CD8B: variants seen among roughly 807,000 people sequenced by gnomAD.
The protein encoded by CD8B is CD8 subunit beta.
CD8B carries 6 observed loss-of-function variants against 24.2 expected under a neutral mutation model. The ratio of observed to expected loss-of-function variants is 0.25; its 90% CI spans 0.14 to 0.49. CD8B has a LOEUF of 0.49. Among genes scored for constraint, CD8B ranks in the 20% least tolerant of loss-of-function variants. The pLI is 0.98. For synonymous variants in CD8B, 84 were observed against 108.3 expected, an observed-to-expected ratio of 0.78 and a Z score of 1.39; for missense variants, 196 against 271.3, an observed-to-expected ratio of 0.72 and a Z score of 1.95.
At chr2:86,828,045 C>G (rs1674760607) in intron 5 of CD8B, among the ~76,000 whole-genome samples, 1 of 152,142 alleles carries the variant, frequency 6.6e-6, no homozygotes, top group Non-Finnish European at 1.5e-5. Context: ...GCTTTCCTGC[C>G]TGGTGACTTG....
In CD8B at chr2:86,846,761, C is replaced by T; in HGVS notation, c.506G>A (p.Ser169Asn). The change falls in exon 4 of 6, where the codon AGC becomes AAC. Residue 169 changes from serine (S) to asparagine (N), a missense_variant. Physicochemically the swap from Ser to Asn is conservative, Grantham distance 46. Transcript: ENST00000390655. ...RPETQKGPLCSPITLGLLVAG... is the reference protein window; with the variant it reads ...RPETQKGPLCNPITLGLLVAG... ...CACCAGCAGGCCAAGGGTGATGGGG[C>T]TACAAAGTGGGCCTGGAAAACACAC... 6.3e-7 allele frequency: 1 copy of T among 1,578,800 alleles called. No homozygotes were observed. The highest frequency in any genetic ancestry group is 8.6e-7 in the Non-Finnish European group (1 of 1,161,344).
At position 86,842,251 on chromosome 2, in the gene CD8B, T is replaced by A. The variant is rs551604139; in HGVS notation, c.*56A>T. 6.5e-7 allele frequency: 1 copy of A among 1,537,154 alleles called. No individual in the cohort carries two copies. Among genetic ancestry groups the A allele is most frequent in the South Asian group, 1.3e-5 (1 of 77,224 alleles). ...TCCCTTCTCTCATTTTTCCACATCG[T>A]GCTCGTTACTGACCGATGTCTTTTT... On this transcript the variant is annotated 3_prime_UTR_variant, in exon 6 of 6. Transcript: ENST00000390655.
At position 86,828,771 on chromosome 2, in the gene CD8B, A is replaced by G. The variant is rs1419281947; in HGVS notation, c.621-13053T>C. On this transcript the variant is annotated intron_variant, in intron 5 of 5. Coordinates refer to the CD8B transcript ENST00000331469. ...TATTCATATGGGCCTACCTCCAAAG[A>G]TGCAACCAGCAACCTCTACTTTATT... Among the ~76,000 whole-genome samples, 3 of 152,336 alleles carry G rather than the reference A, an allele frequency of 2.0e-5. No homozygotes were observed. The East Asian group carries it at 5.8e-4, about 29-fold the overall frequency.
At chr2:86,830,546 G>C (rs1674868126) in intron 5 of CD8B, among the ~76,000 whole-genome samples, 1 of 151,356 alleles carries the variant, frequency 6.6e-6, no homozygotes, top group African/African-American at 2.4e-5. Context: ...CAGCCTAGGG[G>C]ACAGAGTGAG....
At chr2:86,822,869 A>G (rs1388821519) in intron 5 of CD8B, among the ~76,000 whole-genome samples, 5 of 152,172 alleles carry the variant, frequency 3.3e-5, no homozygotes, top group Admixed American at 3.3e-4. Context: ...TGTTGGTGCC[A>G]CTTACTCATA....
At chr2:86,815,819 T>A in intron 5 of CD8B, 1 of 730,384 alleles carries the variant, frequency 1.4e-6, no homozygotes, top group Non-Finnish European at 2.5e-6. Context: ...CTCAGTCGAG[T>A]CAGATGTTGT....
intron 5 of CD8B, among the ~76,000 whole-genome samples, chr2:86,827,102 T>A (rs1674720537): frequency 6.6e-6 from 1 of 152,104 alleles, no homozygotes; most frequent in African/African-American, 2.4e-5. Flanking sequence ...ATTACAGGCA[T>A]GAGCCACTGT....
rs1675362295 is a variant in CD8B at position 86,840,335 on chromosome 2, A to G, written c.*1972T>C. On this transcript the variant is annotated 3_prime_UTR_variant, in exon 6 of 6. Coordinates refer to ENST00000390655, the MANE Select transcript of CD8B (RefSeq NM_004931.5). ...GGCAGGGCATCTAAGGCCAATTAAC[A>G]TACACCAAAAGGAAAAACCCCATCT... is the stretch of plus-strand genomic sequence containing the variant. Among the ~76,000 whole-genome samples, 1 of 152,206 alleles carries G rather than the reference A, an allele frequency of 6.6e-6. No individual in the cohort carries two copies. The highest frequency in any genetic ancestry group is 2.4e-5 in the African/African-American group (1 of 41,450).
chr2:86,815,795 AT>A, intron 5 of CD8B: 1 of 820,076 alleles, frequency 1.2e-6, no homozygotes, highest in Non-Finnish European at 2.1e-6. Context: ...GTAATGACTG[AT>A]TTTTTTCTGT....
rs536411983 is a variant in CD8B, at chr2:86,853,475, G to A, written c.404-389C>T. On this transcript the variant is annotated intron_variant, in intron 2 of 5. Coordinates refer to ENST00000390655, the MANE Select transcript of CD8B (RefSeq NM_004931.5). ...ATAAATGAACAAATGAACAAAATTT[G>A]TCTTACATCCAAGTACTGAAGTCCT... is the stretch of plus-strand genomic sequence containing the variant. Among the ~76,000 whole-genome samples, 134 of 152,066 alleles carry A rather than the reference G, an allele frequency of 8.8e-4. 1 individual carries two copies. Among genetic ancestry groups the A allele is most frequent in the African/African-American group, 3.2e-3 (131 of 41,512 alleles).
intron 1 of CD8B, among the ~76,000 whole-genome samples, chr2:86,859,552 A>G (rs1676463533): frequency 6.6e-6 from 1 of 152,194 alleles, no homozygotes; most frequent in East Asian, 1.9e-4. Context: ...CCATGTACAC[A>G]GGTAAATACT....
In CD8B at chr2:86,849,752, G is replaced by A. The variant is rs566123650; in HGVS notation, c.494-2979C>T. On this transcript the variant is annotated intron_variant, in intron 3 of 5. Transcript: ENST00000390655. ...AGGGTCTTGCTCTGTCGCCCAGGCT[G>A]GAGTGCAATGGCGTGATCTCGGCTC... Among the ~76,000 whole-genome samples the A allele has an allele frequency of 1.1e-3, 166 of 144,476 alleles. 1 individual carries two copies. The highest frequency in any genetic ancestry group is 4.0e-3 in the African/African-American group (154 of 38,374). 94.8% of individuals were successfully genotyped at this position (144,476 alleles called of 152,430 possible).
chr2:86,847,087 C>T (rs1164983088), intron 3 of CD8B, among the ~76,000 whole-genome samples: 1 of 151,720 alleles, frequency 6.6e-6, no homozygotes, highest in South Asian at 2.1e-4. Context: ...CAGGCATGTG[C>T]CACCATGCCT....
intron 5 of CD8B, among the ~76,000 whole-genome samples, chr2:86,823,385 T>C (rs1366457948): frequency 6.6e-6 from 1 of 152,136 alleles, no homozygotes; most frequent in East Asian, 1.9e-4. Flanking sequence ...GCTCAAGTGA[T>C]CTTCACATCT....
At chr2:86,835,535 G>A (rs1675144105), downstream of CD8B, among the ~76,000 whole-genome samples, 1 of 151,568 alleles carries the variant, frequency 6.6e-6, no homozygotes. Flanking sequence ...TGGAGGGGTG[G>A]GAGTCATGGC....
At chr2:86,837,553 CTCTT>C (rs1675226478), downstream of CD8B, among the ~76,000 whole-genome samples, 1 of 151,512 alleles carries the variant, frequency 6.6e-6, no homozygotes. Context: ...GAAGACAGGG[CTCTT>C]TCTGTCTTTC....
intron 5 of CD8B, among the ~76,000 whole-genome samples, chr2:86,828,662 T>C (rs1674785150): frequency 6.6e-6 from 1 of 152,156 alleles, no homozygotes; most frequent in African/African-American, 2.4e-5. Context: ...CTAAAATACA[T>C]AATTTTCTTA....
At chr2:86,853,183 C>T in intron 2 of CD8B, 97 bp from the exon 3 acceptor site, 3 of 1,541,142 alleles carry the variant, frequency 1.9e-6, no homozygotes, top group Non-Finnish European at 2.6e-6. Context: ...TGGCTCATGC[C>T]TGGAATCCCA....
At chr2:86,832,804 G>T (rs933060552) in intron 5 of CD8B, among the ~76,000 whole-genome samples, 1 of 152,096 alleles carries the variant, frequency 6.6e-6, no homozygotes, top group Non-Finnish European at 1.5e-5. Context: ...TAACAGACAG[G>T]TTAATAAAAA....
Sources: allele counts gnomAD v4.1 joint callset (sites outside exome capture counted in the v4.1 genomes callset), GRCh38; gene constraint gnomAD v4.1.1; transcripts MANE v1.5; gene names NCBI Gene and HGNC (gene_info 2026-07-23, HGNC 2026-07-21).